Variants in PCDH15 observed in about 807,000 individuals in gnomAD.
PCDH15 encodes the protein protocadherin related 15.
PCDH15 carries 129 observed loss-of-function variants against 178.5 expected under a neutral mutation model. The observed-to-expected ratio is 0.72, with a 90% CI of 0.63 to 0.84. PCDH15 has a LOEUF of 0.84. Among genes scored for constraint, PCDH15 ranks in the 40% least tolerant of loss-of-function variants. The probability of loss-of-function intolerance (pLI) is 0.00; values close to 1 mark genes in which losing one functional copy is unlikely to be tolerated. For synonymous variants in PCDH15, 800 were observed against 732.0 expected (o/e 1.09, Z -1.50); for missense variants, 2,230 against 2,099.9 (o/e 1.06, Z -1.21).
At chr10:54,381,879 C>G (rs1047077751) in intron 3 of PCDH15, among the ~76,000 whole-genome samples, 1 of 152,000 alleles carries the variant, frequency 6.6e-6, no homozygotes, top group Non-Finnish European at 1.5e-5. Context: ...GCTTAGAATC[C>G]AATCCATAAT....
At chr10:54,067,984 T>C (rs1282842785) in intron 17 of PCDH15, among the ~76,000 whole-genome samples, 1 of 151,968 alleles carries the variant, frequency 6.6e-6, no homozygotes, top group East Asian at 1.9e-4. Context: ...TTTTTTTTAT[T>C]TTTTTAGCTA....
chr10:54,283,084 A>G (rs1206797656), intron 8 of PCDH15, among the ~76,000 whole-genome samples: 3 of 152,136 alleles, frequency 2.0e-5, no homozygotes, highest in Admixed American at 6.6e-5. Context: ...CCCAAGATCT[A>G]TGAATGCTAT....
At chr10:54,594,178 T>G (rs1417228199) in intron 2 of PCDH15, among the ~76,000 whole-genome samples, 1 of 152,098 alleles carries the variant, frequency 6.6e-6, no homozygotes, top group African/African-American at 2.4e-5. Flanking sequence ...TCAGCCACCA[T>G]GGACACTTGA....
At chr10:54,552,632 A>G (rs1013845348) in intron 2 of PCDH15, among the ~76,000 whole-genome samples, 13 of 152,142 alleles carry the variant, frequency 8.5e-5, no homozygotes, top group Non-Finnish European at 1.5e-4. Context: ...ATGCAAGTCT[A>G]CCTTATAGAA....
chr10:54,441,089 G>C (rs1023017034), intron 3 of PCDH15, among the ~76,000 whole-genome samples: 2 of 151,624 alleles, frequency 1.3e-5, no homozygotes, highest in Non-Finnish European at 2.9e-5. Context: ...ATACACAATC[G>C]CCTGATCATT....
chr10:54,728,636 A>C (rs1322250955), intron 1 of PCDH15, among the ~76,000 whole-genome samples: 2 of 151,456 alleles, frequency 1.3e-5, no homozygotes, highest in Non-Finnish European at 3.0e-5. Flanking sequence ...ATAGAGAGGT[A>C]TTCAAACTAT....
chr10:55,556,301 G>C (rs12781417), intron 2 of PCDH15, among the ~76,000 whole-genome samples: 3 of 152,234 alleles, frequency 2.0e-5, no homozygotes, highest in African/African-American at 7.2e-5. Context: ...TTTCATAGAA[G>C]ACAGTTGCTT....
chr10:54,456,160 C>T (rs2076806987), intron 3 of PCDH15, among the ~76,000 whole-genome samples: 1 of 152,090 alleles, frequency 6.6e-6, no homozygotes, highest in African/African-American at 2.4e-5. Context: ...CCACCATCAT[C>T]CAGACCCCAC....
At chr10:54,614,754 T>G (rs2093075137) in intron 2 of PCDH15, among the ~76,000 whole-genome samples, 1 of 151,964 alleles carries the variant, frequency 6.6e-6, no homozygotes, top group South Asian at 2.1e-4. Context: ...AAAGTTCCAC[T>G]TGCATACTCC....
chr10:54,127,908 C>A lies in PCDH15; in HGVS notation c.1917+4967G>T, dbSNP rs138685701. ...CTGTCTCATTTTAATTAATATGATG[C>A]CTTACTCATTATTTTTAAATTATTT... On this transcript the variant is annotated intron_variant, in intron 15 of 37. Transcript: ENST00000644397. 6.4e-3 allele frequency among the ~76,000 whole-genome samples: 972 copies of A among 152,106 alleles called. 9 individuals are homozygous for A. Among genetic ancestry groups the A allele is most frequent in the African/African-American group, 0.022 (920 of 41,494 alleles).
chr10:55,173,143 A>G (rs546627370), intron 1 of PCDH15, among the ~76,000 whole-genome samples: 2 of 152,174 alleles, frequency 1.3e-5, no homozygotes, highest in African/African-American at 4.8e-5. Flanking sequence ...CAATTAAAAA[A>G]AACACTTTAG....
At chr10:54,390,425 T>C (rs1442786599) in intron 3 of PCDH15, among the ~76,000 whole-genome samples, 1 of 152,156 alleles carries the variant, frequency 6.6e-6, no homozygotes, top group Non-Finnish European at 1.5e-5. Context: ...CCTGAGGAGC[T>C]GGGACTACAG....
chr10:55,398,277 G>A (rs1161684570), intron 2 of PCDH15, among the ~76,000 whole-genome samples: 1 of 152,030 alleles, frequency 6.6e-6, no homozygotes, highest in African/African-American at 2.4e-5. Flanking sequence ...AACATGAGAG[G>A]CAAGAAAGTG....
chr10:55,123,901 G>A (rs1225528245), intron 2 of PCDH15, among the ~76,000 whole-genome samples: 1 of 152,090 alleles, frequency 6.6e-6, no homozygotes, highest in South Asian at 2.1e-4. Context: ...ATTTCCCTTT[G>A]GCATCAACAG....
chr10:54,259,346 G>T (rs955818304), intron 8 of PCDH15, among the ~76,000 whole-genome samples: 3 of 152,140 alleles, frequency 2.0e-5, no homozygotes, highest in African/African-American at 7.2e-5. Context: ...TCAGGGCCCT[G>T]AATGGATTCA....
chr10:54,958,959 C>T (rs560274296), intron 2 of PCDH15, among the ~76,000 whole-genome samples: 2 of 151,930 alleles, frequency 1.3e-5, no homozygotes, highest in South Asian at 2.1e-4. Flanking sequence ...TGAGCAGTAA[C>T]GTGAGGAAAT....
intron 2 of PCDH15, among the ~76,000 whole-genome samples, chr10:55,567,029 T>C (rs540961164): frequency 2.0e-5 from 3 of 152,038 alleles, no homozygotes; most frequent in African/African-American, 7.2e-5. Context: ...ATTTCCAAAC[T>C]TACTATAAAG....
intron 2 of PCDH15, among the ~76,000 whole-genome samples, chr10:54,976,979 T>G (rs1839088046): frequency 6.6e-6 from 1 of 152,154 alleles, no homozygotes; most frequent in African/African-American, 2.4e-5. Context: ...AATATTAGAT[T>G]TTCTCACAGT....
intron 15 of PCDH15, among the ~76,000 whole-genome samples, chr10:54,132,524 A>C (rs1397605361): frequency 6.6e-6 from 1 of 152,158 alleles, no homozygotes; most frequent in Non-Finnish European, 1.5e-5. Flanking sequence ...AGCTGGACAA[A>C]AGGCATACAA....
Sources: allele counts gnomAD v4.1 joint callset (sites outside exome capture counted in the v4.1 genomes callset), GRCh38; gene constraint gnomAD v4.1.1; transcripts MANE v1.5; gene names NCBI Gene and HGNC (gene_info 2026-07-23, HGNC 2026-07-21).